Variants in PDE9A observed in about 807,000 individuals in gnomAD.
PDE9A encodes high affinity cGMP-specific 3',5'-cyclic phosphodiesterase 9A.
PDE9A carries 60 observed loss-of-function variants against 87.4 expected under a neutral mutation model. The observed-to-expected ratio is 0.69, with a 90% CI of 0.56 to 0.85. The LOEUF is 0.85. PDE9A is among the 40% of genes least tolerant of loss of function. The probability of loss-of-function intolerance (pLI) is 0.00; values close to 1 mark genes in which losing one functional copy is unlikely to be tolerated. For missense variants in PDE9A, 665 were observed against 779.0 expected, an observed-to-expected ratio of 0.85 and a Z score of 1.74; for synonymous variants, 272 against 279.4, an observed-to-expected ratio of 0.97 and a Z score of 0.27.
chr21:42,754,780 G>GC (rs1485469960), intron 10 of PDE9A, among the ~76,000 whole-genome samples: 1 of 152,144 alleles, frequency 6.6e-6, no homozygotes, highest in East Asian at 1.9e-4. Flanking sequence ...ATTGTCTTTT[G>GC]CCTGCCGCCA....
chr21:42,656,655 T>G (rs941050997), intron 1 of PDE9A, among the ~76,000 whole-genome samples: 1 of 152,074 alleles, frequency 6.6e-6, no homozygotes, highest in African/African-American at 2.4e-5. Flanking sequence ...ATCACCAGAG[T>G]GACACAGTGG....
intron 18 of PDE9A, 41 bp downstream of exon 18, chr21:42,770,839 C>A: frequency 6.7e-7 from 1 of 1,486,384 alleles, no homozygotes; most frequent in Non-Finnish European, 9.4e-7. Flanking sequence ...TTGCGGCAAG[C>A]AGGCACGCTG....
intron 16 of PDE9A, 33 bp from the exon 17 acceptor site, chr21:42,768,988 TTCTGTC>T (rs746297984): frequency 1.3e-6 from 2 of 1,581,810 alleles, no homozygotes; most frequent in Non-Finnish European, 1.7e-6. Context: ...TATGGGGCAT[TTCTGTC>T]TCTAATGTCA....
At chr21:42,701,459 T>G (rs1029973704) in intron 4 of PDE9A, among the ~76,000 whole-genome samples, 3 of 151,100 alleles carry the variant, frequency 2.0e-5, no homozygotes, top group Non-Finnish European at 2.9e-5. Flanking sequence ...GAGAGAGAGA[T>G]AAAGTCTTTG....
chr21:42,730,428 G>A (rs912354144), intron 4 of PDE9A, among the ~76,000 whole-genome samples: 1 of 151,794 alleles, frequency 6.6e-6, no homozygotes, highest in Non-Finnish European at 1.5e-5. Flanking sequence ...AAACTGATTA[G>A]TTTTTTTTAA....
At chr21:42,685,483 T>TTTTTTTTTGG (rs71190435) in intron 1 of PDE9A, among the ~76,000 whole-genome samples, 1 of 149,968 alleles carries the variant, frequency 6.7e-6, no homozygotes, top group African/African-American at 2.5e-5. Context: ...TTTTTTTTTT[T>TTTTTTTTTGG]GAGACGGAGT....
intron 9 of PDE9A, 32 bp downstream of exon 9, chr21:42,751,229 C>T: frequency 1.4e-6 from 2 of 1,474,918 alleles, no homozygotes; most frequent in African/African-American, 1.4e-5. Context: ...GAAGAAGCTG[C>T]AGCTGTGTCC....
Position 42,723,222 on chromosome 21 carries a change from A to G in PDE9A, c.263-8548A>G, listed in dbSNP as rs1179869989. 6.6e-6 allele frequency among the ~76,000 whole-genome samples: 1 copy of G among 152,246 alleles called. No individual in the cohort carries two copies. Among genetic ancestry groups the G allele is most frequent in the Non-Finnish European group, 1.5e-5 (1 of 68,044 alleles). On this transcript the variant is annotated intron_variant, in intron 4 of 19. Transcript: ENST00000291539. This position sits in a 1 kb window ranked among gnomAD's most constrained non-coding sequence, Gnocchi z 4.3. The stretch of plus-strand genomic sequence containing the variant: ...CCCCTCTGCTGCAAACCCATGGCCC[A>G]AAGCGGACCTGATCCGGCAGCATCT...
In PDE9A at chr21:42,749,056, G is replaced by A. The variant is rs574987576; in HGVS notation, c.654-2060G>A. 1.3e-3 allele frequency among the ~76,000 whole-genome samples: 194 copies of A among 152,216 alleles called. 2 individuals are homozygous for A. Among genetic ancestry groups the A allele is most frequent in the African/African-American group, 4.1e-3 (170 of 41,532 alleles). On this transcript the variant is annotated intron_variant, in intron 8 of 19. Coordinates refer to ENST00000291539, the MANE Select transcript of PDE9A (RefSeq NM_002606.3). The stretch of plus-strand genomic sequence containing the variant: ...TGGGACATTCAGGTGGCTTCTAGTC[G>A]GTTTTGTGTTTTTGTTACAGCAGAT...
chr21:42,676,680 T>C (rs979127942), intron 1 of PDE9A, among the ~76,000 whole-genome samples: 1 of 152,166 alleles, frequency 6.6e-6, no homozygotes, highest in Non-Finnish European at 1.5e-5. Context: ...TTGGAGGGCA[T>C]CCGACTCATC....
intron 19 of PDE9A, among the ~76,000 whole-genome samples, chr21:42,772,980 C>T (rs893315171): frequency 6.6e-6 from 1 of 150,994 alleles, no homozygotes; most frequent in Non-Finnish European, 1.5e-5. Context: ...GAATTAGGCT[C>T]TTAAGGCTGG....
At position 42,775,283 on chromosome 21, in the gene PDE9A, AC is replaced by A; in HGVS notation, c.1773del (p.Cys592ValfsTer40). On this transcript the variant is annotated frameshift_variant, in exon 20 of 20. Transcript: ENST00000291539. LOFTEE classifies it high-confidence loss of function. ...GTCATCGTTTCCCTTCTTCCAGGAG[AC>A]TGTGCCTGAGGAAAGCGGGGGGCGT... ...RSRDVKNSEGDCA is the reference protein window; with the variant it reads ...RSRDVKNSEGXCA 6.2e-7 allele frequency: 1 copy of A among 1,611,816 alleles called. No individual in the cohort carries two copies. Among genetic ancestry groups the A allele is most frequent in the East Asian group, 2.2e-5 (1 of 44,732 alleles).
chr21:42,713,204 G>A (rs1176822311), intron 4 of PDE9A, among the ~76,000 whole-genome samples: 1 of 151,994 alleles, frequency 6.6e-6, no homozygotes, highest in Non-Finnish European at 1.5e-5. Context: ...CTGCCATCTC[G>A]GCTCACTGCA....
Position 42,723,623 on chromosome 21 carries a change from T to G in PDE9A, c.263-8147T>G, listed in dbSNP as rs1369719180. ...GCAGACTCGGGGGCACTTTTAGATA[T>G]TCTATTGGTTGTTCTTGGGGGACAG... On this transcript the variant is annotated intron_variant, in intron 4 of 19. Coordinates refer to ENST00000291539, the MANE Select transcript of PDE9A (RefSeq NM_002606.3). The surrounding 1 kb of genome is among the most constrained non-coding windows in gnomAD (Gnocchi z 4.3). Among the ~76,000 whole-genome samples, 1 of 152,180 alleles carries G rather than the reference T, an allele frequency of 6.6e-6. No individual in the cohort carries two copies. Among genetic ancestry groups the G allele is most frequent in the Non-Finnish European group, 1.5e-5 (1 of 68,038 alleles).
At chr21:42,672,932 A>T (rs1254501497) in intron 1 of PDE9A, among the ~76,000 whole-genome samples, 1 of 152,182 alleles carries the variant, frequency 6.6e-6, no homozygotes, top group African/African-American at 2.4e-5. Flanking sequence ...AGAAATGCTG[A>T]CATGTTGAAG....
At position 42,774,606 on chromosome 21, in the gene PDE9A, G is replaced by A. The variant is rs1041986261; in HGVS notation, c.1769-674G>A. Reference sequence around the variant, plus strand: ...TTAAAATGGTCTGTGTGTCGGCCGGGCACGGTGGTTCACACCTGTAATCCC... The same window carrying A: ...TTAAAATGGTCTGTGTGTCGGCCGGACACGGTGGTTCACACCTGTAATCCC... On this transcript the variant is annotated intron_variant, in intron 19 of 19. Transcript: ENST00000291539. Among the ~76,000 whole-genome samples, 29 of 152,214 alleles carry A rather than the reference G, an allele frequency of 1.9e-4. No homozygotes were observed. The Middle Eastern group carries it at 0.01, about 54-fold the overall frequency.
intron 9 of PDE9A, 115 bp from the exon 10 acceptor site, chr21:42,753,875 A>AG (rs2054703851): frequency 5.0e-6 from 3 of 595,144 alleles, no homozygotes; most frequent in Admixed American, 3.2e-5. Context: ...AAAAAAAAAA[A>AG]AAAGAAAGAA....
chr21:42,726,625 T>TATA (rs1555925485), intron 4 of PDE9A, among the ~76,000 whole-genome samples: 3 of 14,510 alleles, frequency 2.1e-4, no homozygotes, highest in Admixed American at 1.4e-3. Flanking sequence ...TATATATATA[T>TATA]TTTTTTTTTT....
chr21:42,726,313 T>C (rs1468025314), intron 4 of PDE9A, among the ~76,000 whole-genome samples: 16 of 152,118 alleles, frequency 1.1e-4, no homozygotes, highest in Admixed American at 1.0e-3. Flanking sequence ...ATTTTCATTT[T>C]GATGAAGTCC....
Sources: gnomAD v4.1 joint callset for allele counts (sites outside exome capture counted in the v4.1 genomes callset) on GRCh38, gnomAD v4.1.1 for gene constraint, Gnocchi (gnomAD v3.1) non-coding constraint, MANE v1.5 for transcripts, NCBI Gene and HGNC (gene_info 2026-07-23, HGNC 2026-07-21) for gene names.